BAZ2B: variants seen among roughly 807,000 people sequenced by gnomAD.
The protein encoded by BAZ2B is bromodomain adjacent to zinc finger domain protein 2B.
Under a neutral mutation model 246.0 loss-of-function variants are expected in BAZ2B, and 91 were observed. The ratio of observed to expected loss-of-function variants is 0.37; its 90% CI spans 0.31 to 0.44. The LOEUF (loss-of-function observed/expected upper bound fraction) is 0.44. Ranked by LOEUF, BAZ2B falls within the 20% of genes least tolerant of loss-of-function variation. The pLI is 1.00. For missense variants in BAZ2B, 2,332 were observed against 2,533.7 expected, an observed-to-expected ratio of 0.92 and a Z score of 1.71; for synonymous variants, 855 against 860.0, an observed-to-expected ratio of 0.99 and a Z score of 0.10.
At chr2:159,321,728 C>G (rs574086717) in intron 36 of BAZ2B, 1 of 152,082 alleles carries the variant, frequency 6.6e-6, no homozygotes, top group East Asian at 1.9e-4. Context: ...CTCATGGAAA[C>G]AGAGTAGAAG....
chr2:159,405,135 A>G, intron 14 of BAZ2B, 21 bp from the exon 15 acceptor site: 1 of 1,607,404 alleles, frequency 6.2e-7, no homozygotes, highest in Middle Eastern at 1.7e-4. Flanking sequence ...CAAAATTTCA[A>G]AGAATATTAA....
chr2:159,594,635 T>G (rs1222149490), intron 1 of BAZ2B, among the ~76,000 whole-genome samples: 1 of 15,242 alleles, frequency 6.6e-5, no homozygotes, highest in African/African-American at 3.7e-4. Context: ...TTTTGACAGT[T>G]TTTTTTTTTT....
intron 31 of BAZ2B, among the ~76,000 whole-genome samples, chr2:159,337,986 CTT>C (rs2065945609): frequency 6.6e-6 from 1 of 152,030 alleles, no homozygotes; most frequent in African/African-American, 2.4e-5. Context: ...AATTTATAAA[CTT>C]TTGATATTAT....
At chr2:159,366,299 C>T (rs1426588913) in intron 27 of BAZ2B, among the ~76,000 whole-genome samples, 1 of 152,156 alleles carries the variant, frequency 6.6e-6, no homozygotes, top group East Asian at 1.9e-4. Context: ...TGTGTTAACC[C>T]CAGAAAAACA....
upstream of BAZ2B, among the ~76,000 whole-genome samples, chr2:159,618,402 C>T (rs1696291136): frequency 6.6e-6 from 1 of 152,138 alleles, no homozygotes; most frequent in African/African-American, 2.4e-5. Flanking sequence ...ATATTATTAA[C>T]TCATATTTAA....
At chr2:159,580,397 G>A (rs998713218) in intron 1 of BAZ2B, among the ~76,000 whole-genome samples, 3 of 151,922 alleles carry the variant, frequency 2.0e-5, no homozygotes, top group Admixed American at 6.6e-5. Context: ...TACAAACCAC[G>A]GCTCAACAAA....
intron 1 of BAZ2B, among the ~76,000 whole-genome samples, chr2:159,564,922 G>A (rs1361661431): frequency 2.0e-5 from 3 of 152,206 alleles, no homozygotes; most frequent in African/African-American, 7.2e-5. Context: ...CCAGGCTGGA[G>A]TGAAGTGGTA....
chr2:159,342,210 A>C (rs1335804971), intron 31 of BAZ2B, among the ~76,000 whole-genome samples: 1 of 152,244 alleles, frequency 6.6e-6, no homozygotes, highest in African/African-American at 2.4e-5. Flanking sequence ...GGTCATAGAT[A>C]GGAAGACTAA....
chr2:159,647,855 T>C, the BAZ2B span, among the ~76,000 whole-genome samples: 2 of 152,336 alleles, frequency 1.3e-5, no homozygotes, highest in Admixed American at 6.5e-5. Flanking sequence ...TTTATGCAAT[T>C]ATTCATAATA....
chr2:159,705,017 G>GTT, the BAZ2B span, among the ~76,000 whole-genome samples: 2 of 140,058 alleles, frequency 1.4e-5, no homozygotes, highest in African/African-American at 2.6e-5. Context: ...TTTTTGGTTT[G>GTT]TTTTTTTTTT....
chr2:159,470,154 A>G (rs1316713748), intron 3 of BAZ2B, among the ~76,000 whole-genome samples: 4 of 152,234 alleles, frequency 2.6e-5, no homozygotes, highest in Non-Finnish European at 4.4e-5. Context: ...AAATTAATCA[A>G]TGTAATTTGC....
chr2:159,432,306 T>A (rs138852619), intron 9 of BAZ2B, among the ~76,000 whole-genome samples: 1,584 of 152,252 alleles, frequency 0.01, 51 homozygotes, highest in East Asian at 0.091. Flanking sequence ...CAGAGAGTCC[T>A]CTATATGTTA....
At chr2:159,605,597 A>AT (rs1462366123) in intron 1 of BAZ2B, among the ~76,000 whole-genome samples, 1 of 152,006 alleles carries the variant, frequency 6.6e-6, no homozygotes, top group Non-Finnish European at 1.5e-5. Context: ...ACACTTCATT[A>AT]TAAAAAAAAA....
chr2:159,633,168 A>C, the BAZ2B span, among the ~76,000 whole-genome samples: 1 of 135,246 alleles, frequency 7.4e-6, no homozygotes, highest in South Asian at 2.4e-4. Context: ...TTTTTTTTTT[A>C]GACAAGGTCT....
the BAZ2B span, among the ~76,000 whole-genome samples, chr2:159,690,968 AGTAAAAATGTCCTTG>A: frequency 6.6e-6 from 1 of 152,280 alleles, no homozygotes; most frequent in South Asian, 2.1e-4. Context: ...TGATGGTACT[AGTAAAAATGTCCTTG>A]GTGTTTTCCA....
intron 27 of BAZ2B, among the ~76,000 whole-genome samples, chr2:159,350,595 G>A (rs937538341): frequency 3.3e-5 from 5 of 151,582 alleles, no homozygotes; most frequent in Non-Finnish European, 5.9e-5. Flanking sequence ...TGAGATGGAC[G>A]GAGTCTCACT....
At chr2:159,373,888 T>C (rs2061119064) in intron 26 of BAZ2B, among the ~76,000 whole-genome samples, 1 of 152,228 alleles carries the variant, frequency 6.6e-6, no homozygotes, top group Non-Finnish European at 1.5e-5. Context: ...TATTTGCCTA[T>C]GTTTACACTC....
chr2:159,348,186 G>A (rs554875529), intron 30 of BAZ2B, among the ~76,000 whole-genome samples: 3 of 151,880 alleles, frequency 2.0e-5, no homozygotes, highest in Non-Finnish European at 4.4e-5. Flanking sequence ...TGGGTGTGGG[G>A]GCATGTGCCT....
At chr2:159,498,155 AAG>A (rs2081349002) in intron 2 of BAZ2B, among the ~76,000 whole-genome samples, 1 of 152,200 alleles carries the variant, frequency 6.6e-6, no homozygotes, top group Non-Finnish European at 1.5e-5. Context: ...GCTTACTTCA[AAG>A]AGTTATAAAG....
Sources: gnomAD v4.1 joint callset for allele counts (sites outside exome capture counted in the v4.1 genomes callset) on GRCh38, gnomAD v4.1.1 for gene constraint, MANE v1.5 for transcripts, NCBI Gene and HGNC (gene_info 2026-07-23, HGNC 2026-07-21) for gene names.